Variants in ARSG observed in about 807,000 individuals in gnomAD.
ARSG encodes the protein ASG.
Under a neutral mutation model 50.5 loss-of-function variants are expected in ARSG, and 37 were observed. The ratio of observed to expected loss-of-function variants is 0.73; its 90% CI spans 0.56 to 0.96. The LOEUF is 0.96. Among genes scored for constraint, ARSG ranks in the 50% least tolerant of loss-of-function variants. The pLI, the probability that ARSG is intolerant of heterozygous loss-of-function variation, is 0.00. For synonymous variants in ARSG, 225 were observed against 254.6 expected (o/e 0.88, Z 1.11); for missense variants, 629 against 675.3 (o/e 0.93, Z 0.76).
At chr17:68,426,250 G>GGGGGGGGC, downstream of ARSG, 2 of 828,060 alleles carry the variant, frequency 2.4e-6, no homozygotes, top group Non-Finnish European at 3.8e-6. Flanking sequence ...GGTGGGGAGC[G>GGGGGGGGC]GGGGCTCAAA....
intron 2 of ARSG, among the ~76,000 whole-genome samples, chr17:68,331,186 T>TTTCC (rs1353277549): frequency 7.9e-4 from 27 of 34,244 alleles, no homozygotes; most frequent in Admixed American, 2.0e-3. Context: ...GGTTTCTTTC[T>TTTCC]TTCTTTCTTT....
At chr17:68,449,666 G>A in the ARSG span, among the ~76,000 whole-genome samples, 1 of 152,102 alleles carries the variant, frequency 6.6e-6, no homozygotes, top group African/African-American at 2.4e-5. Context: ...GCCTGCTCCC[G>A]CTTTGCCTTC....
At chr17:68,366,746 C>T (rs535688220) in intron 6 of ARSG, among the ~76,000 whole-genome samples, 178 of 151,320 alleles carry the variant, frequency 1.2e-3, no homozygotes, top group African/African-American at 4.2e-3. Context: ...TATATATAAT[C>T]ATAAAATGTT....
downstream of ARSG, chr17:68,421,573 G>A (rs371342379): frequency 2.1e-4 from 134 of 634,166 alleles, 1 homozygote; most frequent in East Asian, 2.6e-3. Context: ...TGTATACAAT[G>A]TCTCCCGCGC....
intron 2 of ARSG, among the ~76,000 whole-genome samples, chr17:68,334,744 A>G (rs1369005224): frequency 6.6e-6 from 1 of 152,090 alleles, no homozygotes; most frequent in Non-Finnish European, 1.5e-5. Context: ...GAGGACCTAC[A>G]GACGGCCTCT....
intron 8 of ARSG, 102 bp from the exon 9 acceptor site, chr17:68,384,962 T>C: frequency 1.1e-6 from 1 of 878,072 alleles, no homozygotes. Context: ...GTTGGGGTTA[T>C]TGGAAACTCA....
At chr17:68,437,556 A>G in the ARSG span, among the ~76,000 whole-genome samples, 1 of 149,510 alleles carries the variant, frequency 6.7e-6, no homozygotes, top group Admixed American at 6.7e-5. Context: ...TGTCTTAAGA[A>G]AAAAAAAAAA....
chr17:68,362,566 A>C lies in ARSG; in HGVS notation c.704+5762A>C, dbSNP rs756574884. Among the ~76,000 whole-genome samples, 34 of 151,900 alleles carry C rather than the reference A, an allele frequency of 2.2e-4. 1 individual carries two copies. Among genetic ancestry groups the C allele is most frequent in the South Asian group, 2.1e-3 (10 of 4,814 alleles). ...CCACAGCAACTTGTATTTCTCTTCC[A>C]TCTCTCCTACGGGCTGAGTATTCCG... On this transcript the variant is annotated intron_variant, in intron 6 of 11. Coordinates refer to ENST00000621439, the MANE Select transcript of ARSG (RefSeq NM_001267727.2).
chr17:68,426,538 GTTTTTA>G (rs999191148), downstream of ARSG, among the ~76,000 whole-genome samples: 3 of 151,996 alleles, frequency 2.0e-5, no homozygotes, highest in Admixed American at 6.6e-5. Flanking sequence ...TTTTAGTTTA[GTTTTTA>G]TTTTTTGAAA....
chr17:68,423,937 C>T (rs375805718), downstream of ARSG, among the ~76,000 whole-genome samples: 4 of 152,266 alleles, frequency 2.6e-5, no homozygotes, highest in East Asian at 3.9e-4. This position sits in a 1 kb window ranked among gnomAD's most constrained non-coding sequence, Gnocchi z 4.4. Context: ...ATTAGTGAAA[C>T]GGAACCTAGT....
chr17:68,346,814 G>T, intron 3 of ARSG: 11 of 1,344,768 alleles, frequency 8.2e-6, no homozygotes, highest in Non-Finnish European at 1.1e-5. Flanking sequence ...GCCCATGTGG[G>T]GTTGCTGTGT....
At chr17:68,262,170 CAAAAAA>C (rs35446089) in intron 1 of ARSG, among the ~76,000 whole-genome samples, 20 of 138,230 alleles carry the variant, frequency 1.4e-4, no homozygotes, top group Admixed American at 8.5e-4. Flanking sequence ...CGAAAACAAA[CAAAAAA>C]AAAAAAAAGA....
intron 7 of ARSG, among the ~76,000 whole-genome samples, chr17:68,369,633 A>G (rs1312578838): frequency 6.6e-6 from 1 of 152,092 alleles, no homozygotes; most frequent in East Asian, 1.9e-4. Context: ...GTTTGAATCT[A>G]TACTCTACTA....
intron 2 of ARSG, among the ~76,000 whole-genome samples, chr17:68,331,499 C>T (rs573948523): frequency 5.3e-5 from 8 of 152,210 alleles, no homozygotes; most frequent in African/African-American, 1.7e-4. Flanking sequence ...CCGCCTTGGC[C>T]TCCCAAAGTG....
chr17:68,304,652 A>G (rs1280045966), intron 1 of ARSG, among the ~76,000 whole-genome samples: 1 of 152,220 alleles, frequency 6.6e-6, no homozygotes, highest in African/African-American at 2.4e-5. Flanking sequence ...AATCTGCTCC[A>G]TACACTGGAT....
chr17:68,360,775 A>T (rs1055372855), intron 6 of ARSG, among the ~76,000 whole-genome samples: 1 of 152,172 alleles, frequency 6.6e-6, no homozygotes, highest in Non-Finnish European at 1.5e-5. Context: ...GCAGGAGTGT[A>T]TCGGGCATCA....
chr17:68,298,618 A>G (rs565904974), intron 1 of ARSG, among the ~76,000 whole-genome samples: 83 of 139,060 alleles, frequency 6.0e-4, no homozygotes, highest in African/African-American at 2.3e-3. Flanking sequence ...AAAAAAAAAG[A>G]GAAGAACACT....
chr17:68,395,689 T>A (rs977256863), intron 10 of ARSG, among the ~76,000 whole-genome samples: 4 of 152,228 alleles, frequency 2.6e-5, no homozygotes, highest in African/African-American at 9.6e-5. Context: ...TTCCTGCATG[T>A]ATTTAATTTA....
intron 8 of ARSG, among the ~76,000 whole-genome samples, chr17:68,375,579 C>G (rs539066094): frequency 6.6e-6 from 1 of 152,170 alleles, no homozygotes; most frequent in African/African-American, 2.4e-5. Flanking sequence ...AATTAAAATT[C>G]AATTCCTTGG....
Sources: gnomAD v4.1 joint callset for allele counts (sites outside exome capture counted in the v4.1 genomes callset) on GRCh38, gnomAD v4.1.1 for gene constraint, Gnocchi (gnomAD v3.1) non-coding constraint, MANE v1.5 for transcripts, NCBI Gene and HGNC (gene_info 2026-07-23, HGNC 2026-07-21) for gene names.